WBP11: variants seen among roughly 807,000 people sequenced by gnomAD.
WBP11 encodes the protein WW domain-binding protein 11.
A neutral mutation model predicts 66.7 loss-of-function variants in WBP11; 12 were observed. That is an observed-to-expected ratio of 0.18 (90% confidence interval 0.12 to 0.29). The LOEUF (loss-of-function observed/expected upper bound fraction) is 0.29. Ranked by LOEUF, WBP11 falls within the 10% of genes least tolerant of loss-of-function variation. The probability of loss-of-function intolerance (pLI) is 1.00; values close to 1 mark genes in which losing one functional copy is unlikely to be tolerated. For missense variants in WBP11, 555 were observed against 818.3 expected, an observed-to-expected ratio of 0.68 and a Z score of 3.93; for synonymous variants, 255 against 273.8, an observed-to-expected ratio of 0.93 and a Z score of 0.68.
chr12:14,799,007 C>G (rs528249165), intron 4 of WBP11, among the ~76,000 whole-genome samples: 1 of 152,154 alleles, frequency 6.6e-6, no homozygotes, highest in South Asian at 2.1e-4. Flanking sequence ...GATTTTCAAA[C>G]TTAGATGCAA....
At chr12:14,795,694 C>T (rs760700251) in intron 5 of WBP11, among the ~76,000 whole-genome samples, 5 of 152,114 alleles carry the variant, frequency 3.3e-5, no homozygotes, top group Non-Finnish European at 5.9e-5. Flanking sequence ...GGTGCCACTG[C>T]ACTCCAGCTT....
At chr12:14,789,927 T>G (rs1949801960) in intron 10 of WBP11, among the ~76,000 whole-genome samples, 1 of 152,176 alleles carries the variant, frequency 6.6e-6, no homozygotes, top group South Asian at 2.1e-4. Context: ...AAATCACAAA[T>G]AGCTGAAAAG....
chr12:14,802,502 A>G (rs1949977483), intron 1 of WBP11, among the ~76,000 whole-genome samples: 1 of 152,210 alleles, frequency 6.6e-6, no homozygotes, highest in South Asian at 2.1e-4. Flanking sequence ...TCTGATTTTT[A>G]GCTTCCTCAT....
chr12:14,802,239 T>G (rs1320525893), intron 1 of WBP11, among the ~76,000 whole-genome samples: 1 of 152,218 alleles, frequency 6.6e-6, no homozygotes, highest in East Asian at 1.9e-4. Context: ...GACTTCTTCC[T>G]CTTATTCCAA....
rs896138562 is a variant in WBP11 at position 14,801,423 on chromosome 12, A to G, written c.-40T>C. 6.3e-7 allele frequency: 1 copy of G among 1,594,978 alleles called. No homozygotes were observed. Among genetic ancestry groups the G allele is most frequent in the Non-Finnish European group, 8.6e-7 (1 of 1,165,482 alleles). Reference sequence around the variant, plus strand: ...TGGTTTACTTGTTCATTAAAAAAAGAAAAACCTGTGAAGGTGAAGACAAAG... The same window carrying G: ...TGGTTTACTTGTTCATTAAAAAAAGGAAAACCTGTGAAGGTGAAGACAAAG... On this transcript the variant is annotated 5_prime_UTR_variant, in exon 2 of 12. Coordinates refer to ENST00000261167, the MANE Select transcript of WBP11 (RefSeq NM_016312.3).
rs1949874717 is a variant in WBP11 at position 14,795,036 on chromosome 12, C to A, written c.456G>T (p.Leu152Phe). ...CACCAGGAAGTGGAATGTCCTGGAT[C>A]AAAATGTTGGAAGGAGCATGTGGCA... is the stretch of plus-strand genomic sequence containing the variant. ...PDMPHAPSNI[L>F]IQDIPLPGAQ... The change falls in exon 6 of 12, where the codon TTG becomes TTT. Residue 152 changes from leucine (L) to phenylalanine (F), a missense_variant. Physicochemically the swap from Leu to Phe is conservative, Grantham distance 22. Transcript: ENST00000261167. The A allele has an allele frequency of 6.2e-7, 1 of 1,612,862 alleles. No homozygotes were observed. Among genetic ancestry groups the A allele is most frequent in the Non-Finnish European group, 8.5e-7 (1 of 1,179,984 alleles).
At chr12:14,791,813 T>C (rs948326353) in intron 8 of WBP11, among the ~76,000 whole-genome samples, 2 of 152,182 alleles carry the variant, frequency 1.3e-5, no homozygotes, top group Non-Finnish European at 2.9e-5. Flanking sequence ...AGCCATAAAA[T>C]GGAACAAAAT....
At chr12:14,789,493 G>C (rs1378650617) in intron 10 of WBP11, among the ~76,000 whole-genome samples, 3 of 152,112 alleles carry the variant, frequency 2.0e-5, no homozygotes, top group Non-Finnish European at 4.4e-5. Flanking sequence ...GCTGAGGCAG[G>C]AGAATGGTGT....
At chr12:14,795,890 A>G (rs1486950195) in intron 5 of WBP11, among the ~76,000 whole-genome samples, 6 of 152,244 alleles carry the variant, frequency 3.9e-5, no homozygotes, top group Non-Finnish European at 8.8e-5. Flanking sequence ...CTTCATCTGT[A>G]AAATGGGAGA....
rs71537688 is a variant in WBP11 at position 14,794,582 on chromosome 12, G to C, written c.676C>G (p.Pro226Ala). 1.7e-4 allele frequency: 282 copies of C among 1,614,086 alleles called. No homozygotes were observed. The highest frequency in any genetic ancestry group is 1.3e-3 in the Middle Eastern group (8 of 6,052). Residue 226 changes from proline (P) to alanine (A), a missense_variant, in exon 7 of 12, where the codon CCC (proline) becomes GCC (alanine). By Grantham distance (27) the Pro-to-Ala change is conservative. Coordinates refer to ENST00000261167, the MANE Select transcript of WBP11 (RefSeq NM_016312.3). The stretch of plus-strand genomic sequence containing the variant: ...ATGTCTTCATCTCGCCTACGAGGGG[G>C]AAGATCTAGGGCAAAACCCACTTTA... ...GRKVGFALDL[P>A]PRRRDEDMLY...
At chr12:14,792,114 T>C (rs1456182099) in intron 8 of WBP11, among the ~76,000 whole-genome samples, 1 of 151,812 alleles carries the variant, frequency 6.6e-6, no homozygotes, top group East Asian at 1.9e-4. Context: ...AAACACAACC[T>C]GTTCTCCAAA....
intron 4 of WBP11, among the ~76,000 whole-genome samples, chr12:14,798,262 C>T (rs1319603876): frequency 6.6e-6 from 1 of 152,138 alleles, no homozygotes; most frequent in Non-Finnish European, 1.5e-5. Context: ...TTTGCCACTA[C>T]ATAGCAGTGT....
At chr12:14,802,690 G>T (rs908889510) in intron 1 of WBP11, among the ~76,000 whole-genome samples, 1 of 151,230 alleles carries the variant, frequency 6.6e-6, no homozygotes, top group Non-Finnish European at 1.5e-5. Flanking sequence ...GAAAAACTGG[G>T]GATGGGGGGG....
At chr12:14,794,435 C>A in intron 7 of WBP11, 102 bp downstream of exon 7, 2 of 1,271,882 alleles carry the variant, frequency 1.6e-6, no homozygotes, top group South Asian at 2.4e-5. Flanking sequence ...ACATGATACC[C>A]TCTCATTTAC....
chr12:14,800,792 GGA>G lies in WBP11; in HGVS notation c.65-11_65-10del. The G allele has an allele frequency of 6.3e-7, 1 of 1,597,024 alleles. No homozygotes were observed. The highest frequency in any genetic ancestry group is 8.5e-7 in the Non-Finnish European group (1 of 1,170,354). On this transcript the variant is annotated splice_polypyrimidine_tract_variant and intron_variant, in intron 2 of 11. Transcript: ENST00000261167. ...CTTCCGGGCTTCCTTTCCTTTAAAA[GGA>G]GAGAGGGAGATATAATAAAATCTTT...
At chr12:14,799,998 T>A (rs1398405514) in intron 3 of WBP11, among the ~76,000 whole-genome samples, 2 of 152,196 alleles carry the variant, frequency 1.3e-5, no homozygotes, top group Non-Finnish European at 1.5e-5. Context: ...ACTTTAAATT[T>A]CTTTTTTTTA....
At chr12:14,798,780 G>A (rs948086889) in intron 4 of WBP11, among the ~76,000 whole-genome samples, 2 of 151,868 alleles carry the variant, frequency 1.3e-5, no homozygotes, top group South Asian at 2.1e-4. Context: ...AACTTGTAAC[G>A]ATCACTTTAA....
intron 10 of WBP11, among the ~76,000 whole-genome samples, chr12:14,789,520 G>C (rs949738007): frequency 2.0e-5 from 3 of 152,128 alleles, no homozygotes; most frequent in South Asian, 2.1e-4. Context: ...GGGAGGCGGA[G>C]CTTGTAGTGA....
intron 5 of WBP11, among the ~76,000 whole-genome samples, chr12:14,795,805 T>C (rs1949887340): frequency 6.6e-6 from 1 of 152,116 alleles, no homozygotes; most frequent in African/African-American, 2.4e-5. Flanking sequence ...GTGGTGGAGG[T>C]TGGGCTCATT....
Sources: gnomAD v4.1 joint callset for allele counts (sites outside exome capture counted in the v4.1 genomes callset) on GRCh38, gnomAD v4.1.1 for gene constraint, MANE v1.5 for transcripts, NCBI Gene and HGNC (gene_info 2026-07-23, HGNC 2026-07-21) for gene names.